Variants in LPP observed in about 807,000 individuals in gnomAD.
The protein encoded by LPP is LIM domain containing preferred translocation partner in lipoma.
A neutral mutation model predicts 60.4 loss-of-function variants in LPP; 38 were observed. The ratio of observed to expected loss-of-function variants is 0.63; its 90% CI spans 0.49 to 0.83. The LOEUF (loss-of-function observed/expected upper bound fraction) is 0.83. Ranked by LOEUF, LPP falls within the 40% of genes least tolerant of loss-of-function variation. The pLI is 0.00. For missense variants in LPP, 902 were observed against 783.6 expected, an observed-to-expected ratio of 1.15 and a Z score of -1.80; for synonymous variants, 328 against 290.8, an observed-to-expected ratio of 1.13 and a Z score of -1.30.
At chr3:188,281,949 T>C (rs913638820) in intron 2 of LPP, among the ~76,000 whole-genome samples, 4 of 152,188 alleles carry the variant, frequency 2.6e-5, no homozygotes, top group East Asian at 1.9e-4. Context: ...ATCATTCTTA[T>C]AGGCAGAGGG....
chr3:188,760,781 C>T (rs1732048503), intron 9 of LPP, among the ~76,000 whole-genome samples: 1 of 152,086 alleles, frequency 6.6e-6, no homozygotes, highest in Non-Finnish European at 1.5e-5. Flanking sequence ...GTTTCTTCCC[C>T]CTCTTATCCA....
chr3:188,291,452 A>T (rs1745908189), intron 2 of LPP, among the ~76,000 whole-genome samples: 1 of 152,066 alleles, frequency 6.6e-6, no homozygotes, highest in Admixed American at 6.6e-5. Context: ...ATCCTGGCTA[A>T]CACGGTGAAA....
chr3:188,613,272 A>ATCTATG (rs1844123684), intron 7 of LPP, among the ~76,000 whole-genome samples: 2 of 136,918 alleles, frequency 1.5e-5, no homozygotes, highest in Non-Finnish European at 3.2e-5. Flanking sequence ...CTATATCTAT[A>ATCTATG]TCTATATCTA....
chr3:188,464,030 T>A (rs1799766901), intron 4 of LPP, among the ~76,000 whole-genome samples: 2 of 152,168 alleles, frequency 1.3e-5, no homozygotes, highest in Non-Finnish European at 2.9e-5. Context: ...GGATTTGGAG[T>A]TTTGAAAGAA....
intron 9 of LPP, among the ~76,000 whole-genome samples, chr3:188,862,765 A>G (rs950013592): frequency 2.1e-5 from 3 of 145,708 alleles, no homozygotes; most frequent in African/African-American, 7.7e-5. Flanking sequence ...AAGAAAGAAA[A>G]AGAAAGAGAG....
At chr3:188,486,085 A>G (rs1284583733) in intron 5 of LPP, among the ~76,000 whole-genome samples, 3 of 152,084 alleles carry the variant, frequency 2.0e-5, no homozygotes, top group Admixed American at 2.0e-4. Context: ...TATTTATGGC[A>G]TACATGAGAT....
chr3:188,751,782 T>A (rs1461676463), intron 8 of LPP, among the ~76,000 whole-genome samples: 1 of 152,192 alleles, frequency 6.6e-6, no homozygotes, highest in East Asian at 1.9e-4. Context: ...TTGGGGTGAC[T>A]ACATGAGATA....
At chr3:188,779,298 T>G (rs2150829933) in intron 9 of LPP, among the ~76,000 whole-genome samples, 1 of 152,226 alleles carries the variant, frequency 6.6e-6, no homozygotes, top group Non-Finnish European at 1.5e-5. Flanking sequence ...AATTGTAAAG[T>G]GGATGCTATG....
chr3:188,782,847 C>G (rs976617400), intron 9 of LPP, among the ~76,000 whole-genome samples: 1 of 152,094 alleles, frequency 6.6e-6, no homozygotes, highest in Non-Finnish European at 1.5e-5. Flanking sequence ...ACACCCTGCT[C>G]TCAACTGTTT....
chr3:188,717,920 C>T (rs1042770321), intron 8 of LPP, among the ~76,000 whole-genome samples: 3 of 152,110 alleles, frequency 2.0e-5, no homozygotes, highest in Admixed American at 6.5e-5. Flanking sequence ...AAGGTTCAAG[C>T]GATTCTCCTG....
Position 188,263,037 on chromosome 3 carries a change from A to G in LPP, c.-67+37510A>G, listed in dbSNP as rs544206846. Among the ~76,000 whole-genome samples the G allele has an allele frequency of 7.9e-5, 12 of 152,090 alleles. No individual in the cohort carries two copies. The East Asian group carries it at 2.3e-3, about 29-fold the overall frequency. On this transcript the variant is annotated intron_variant, in intron 2 of 11. Coordinates refer to ENST00000617246, the MANE Select transcript of LPP (RefSeq NM_001375462.1). ...AGCTATTTTTGTGACTATTCAGTAC[A>G]TGTACAATGCTGCCTCTTGGAGTGT... is the stretch of plus-strand genomic sequence containing the variant.
chr3:188,859,644 T>C (rs755652327), intron 9 of LPP, among the ~76,000 whole-genome samples: 8 of 152,240 alleles, frequency 5.3e-5, no homozygotes, highest in Non-Finnish European at 1.2e-4. Flanking sequence ...GAGGCAGCTC[T>C]GCTCTTTAGA....
chr3:188,301,487 G>A (rs1286100545), intron 2 of LPP, among the ~76,000 whole-genome samples: 1 of 152,112 alleles, frequency 6.6e-6, no homozygotes, highest in East Asian at 1.9e-4. Flanking sequence ...TTTAAGGAAT[G>A]TTTTGCTAAG....
chr3:188,192,310 G>A (rs1250316701), intron 1 of LPP, among the ~76,000 whole-genome samples: 2 of 152,180 alleles, frequency 1.3e-5, no homozygotes, highest in Non-Finnish European at 2.9e-5. Flanking sequence ...ACACCAGTGT[G>A]TGAAACAGCA....
intron 8 of LPP, 74 bp from the exon 9 acceptor site, chr3:188,760,039 T>G: frequency 7.3e-7 from 1 of 1,366,390 alleles, no homozygotes; most frequent in Non-Finnish European, 1.0e-6. Flanking sequence ...ATGAACCTGC[T>G]TTCTCCTCCA....
chr3:188,251,096 T>C (rs993320713), intron 2 of LPP, among the ~76,000 whole-genome samples: 4 of 144,410 alleles, frequency 2.8e-5, no homozygotes, highest in Non-Finnish European at 6.0e-5. Flanking sequence ...TCTCTTTCTC[T>C]CTCTCTCTTT....
At chr3:188,207,065 T>C (rs1279971367) in intron 1 of LPP, among the ~76,000 whole-genome samples, 1 of 133,532 alleles carries the variant, frequency 7.5e-6, no homozygotes, top group Non-Finnish European at 1.6e-5. Context: ...TCTGCTTTTA[T>C]TATTTATTTA....
chr3:188,480,730 G>T (rs898084660), intron 4 of LPP, among the ~76,000 whole-genome samples: 1 of 152,206 alleles, frequency 6.6e-6, no homozygotes, highest in Non-Finnish European at 1.5e-5. Flanking sequence ...TGGGAGGTGA[G>T]TTGCAATTTC....
intron 5 of LPP, among the ~76,000 whole-genome samples, chr3:188,507,967 T>G (rs550246058): frequency 1.8e-4 from 28 of 152,344 alleles, no homozygotes; most frequent in Middle Eastern, 3.4e-3. Context: ...GGCTATATCA[T>G]TAGGACACGA....
Sources: gnomAD v4.1 joint callset for allele counts (sites outside exome capture counted in the v4.1 genomes callset) on GRCh38, gnomAD v4.1.1 for gene constraint, MANE v1.5 for transcripts, NCBI Gene and HGNC (gene_info 2026-07-23, HGNC 2026-07-21) for gene names.